KRABD4: variants seen among roughly 807,000 people sequenced by gnomAD.
KRABD4 encodes the protein KRAB domain containing 4.
the KRABD4 span, chrX:46,473,615 C>A: frequency 5.2e-6 from 2 of 384,062 alleles, no homozygotes; most frequent in African/African-American, 2.5e-5. Context: ...AAATTTTGCA[C>A]TGTCCTGCTC....
At chrX:46,461,142 C>G in the KRABD4 span, among the ~76,000 whole-genome samples, 1 of 109,837 alleles carries the variant, frequency 9.1e-6, no homozygotes, top group Admixed American at 9.7e-5. Flanking sequence ...GATTGGTAAA[C>G]AAACTGCATC....
the KRABD4 span, chrX:46,462,486 G>A: frequency 2.8e-6 from 1 of 360,387 alleles, no homozygotes; most frequent in Non-Finnish European, 4.7e-6. Context: ...CTCCAGCCTG[G>A]GCGACAGAGC....
chrX:46,472,841 G>C, the KRABD4 span: 1 of 1,211,809 alleles, frequency 8.3e-7, no homozygotes, highest in Non-Finnish European at 1.1e-6. Flanking sequence ...AGGAAACACT[G>C]AAGGATGAAA....
chrX:46,458,313 AGT>A, the KRABD4 span, among the ~76,000 whole-genome samples: 1 of 112,332 alleles, frequency 8.9e-6, no homozygotes, highest in Non-Finnish European at 1.9e-5. Flanking sequence ...ACACCAAAGA[AGT>A]TATAAACTGT....
At chrX:46,450,748 G>A in the KRABD4 span, among the ~76,000 whole-genome samples, 3 of 100,433 alleles carry the variant, frequency 3.0e-5, no homozygotes, top group African/African-American at 1.1e-4. Flanking sequence ...TATCACCCAG[G>A]CTGGAGTGCA....
the KRABD4 span, among the ~76,000 whole-genome samples, chrX:46,467,422 G>A: frequency 1.8e-5 from 2 of 110,271 alleles, no homozygotes; most frequent in Non-Finnish European, 3.8e-5. Flanking sequence ...GGGTGTGGTG[G>A]TGCACGCCTG....
chrX:46,450,603 A>G, the KRABD4 span: 1 of 556,011 alleles, frequency 1.8e-6, no homozygotes, highest in Non-Finnish European at 2.9e-6. Flanking sequence ...CTTGTTCTCA[A>G]CCTCTGGTTT....
chrX:46,452,904 G>A, the KRABD4 span, among the ~76,000 whole-genome samples: 68 of 111,908 alleles, frequency 6.1e-4, 2 homozygotes, highest in East Asian at 0.018. Context: ...GAAAAGAGTC[G>A]TGCATTTTAA....
At chrX:46,462,831 C>T in the KRABD4 span, 1 of 1,211,795 alleles carries the variant, frequency 8.3e-7, no homozygotes, top group Admixed American at 2.2e-5. Context: ...AGAACCTCTA[C>T]AGGGATGTCA....
chrX:46,472,856 T>C, the KRABD4 span: 4 of 1,211,627 alleles, frequency 3.3e-6, no homozygotes, highest in Non-Finnish European at 3.4e-6. Context: ...ATGAAAGCGG[T>C]CAAGAATCCA....
At chrX:46,457,109 A>G in the KRABD4 span, 3 of 384,536 alleles carry the variant, frequency 7.8e-6, no homozygotes, top group Non-Finnish European at 4.7e-6. Context: ...GACAAAGAAC[A>G]TATTTCAAAG....
the KRABD4 span, among the ~76,000 whole-genome samples, chrX:46,461,447 G>A: frequency 3.6e-5 from 4 of 111,629 alleles, no homozygotes; most frequent in South Asian, 1.5e-3. Context: ...CCCTCCTGCT[G>A]GAGAAGCCTG....
At chrX:46,472,106 G>A in the KRABD4 span, 2 of 111,995 alleles carry the variant, frequency 1.8e-5, no homozygotes, top group African/African-American at 6.5e-5. Flanking sequence ...GCCACTGCTG[G>A]GGCCCACTGG....
At chrX:46,451,027 ATCT>A in the KRABD4 span, among the ~76,000 whole-genome samples, 1 of 111,492 alleles carries the variant, frequency 9.0e-6, no homozygotes, top group African/African-American at 3.3e-5. Context: ...ACTGTACCTC[ATCT>A]TCTCTTCATT....
chrX:46,448,264 C>T, the KRABD4 span: 1 of 112,346 alleles, frequency 8.9e-6, no homozygotes, highest in Non-Finnish European at 1.9e-5. Flanking sequence ...TGTGCCCCAG[C>T]TTCCTCACTT....
chrX:46,469,494 A>G, the KRABD4 span, among the ~76,000 whole-genome samples: 1 of 111,634 alleles, frequency 9.0e-6, no homozygotes, highest in African/African-American at 3.2e-5. Flanking sequence ...TCATTTTCCT[A>G]TTGCTCATTG....
chrX:46,455,820 C>T, the KRABD4 span: 5 of 352,965 alleles, frequency 1.4e-5, no homozygotes, highest in Non-Finnish European at 2.6e-5. Context: ...TAAGCTCTTC[C>T]AAACAGGCAT....
At chrX:46,451,922 C>T in the KRABD4 span, among the ~76,000 whole-genome samples, 4 of 112,242 alleles carry the variant, frequency 3.6e-5, no homozygotes, top group Non-Finnish European at 5.6e-5. Context: ...CAAACAAAAG[C>T]TTTGTTCAGC....
the KRABD4 span, among the ~76,000 whole-genome samples, chrX:46,449,670 G>A: frequency 8.9e-6 from 1 of 112,497 alleles, no homozygotes; most frequent in African/African-American, 3.2e-5. Context: ...AAATTCCATA[G>A]CATTTTGAAA....
Sources: allele counts gnomAD v4.1 joint callset (sites outside exome capture counted in the v4.1 genomes callset), GRCh38; gene constraint gnomAD v4.1.1; transcripts MANE v1.5; gene names NCBI Gene and HGNC (gene_info 2026-07-23, HGNC 2026-07-21).